The following TANC2 variants were observed in gnomAD, a reference collection of about 807,000 sequenced individuals.
TANC2 encodes the protein tetratricopeptide repeat, ankyrin repeat and coiled-coil containing 2, also known as protein TANC2.
TANC2 carries 26 observed loss-of-function variants against 210.5 expected under a neutral mutation model. The observed-to-expected ratio is 0.12, with a 90% CI of 0.09 to 0.17. The LOEUF is 0.17. Among genes scored for constraint, TANC2 ranks in the 10% least tolerant of loss-of-function variants. TANC2 has a pLI of 1.00. For missense variants in TANC2, 2,129 were observed against 2,608.9 expected, an observed-to-expected ratio of 0.82 and a Z score of 4.01; for synonymous variants, 931 against 967.1, an observed-to-expected ratio of 0.96 and a Z score of 0.69.
chr17:63,021,428 G>T (rs960526874), intron 2 of TANC2, among the ~76,000 whole-genome samples: 7 of 152,114 alleles, frequency 4.6e-5, no homozygotes, highest in Non-Finnish European at 1.5e-5. Flanking sequence ...AGAGCTGGTT[G>T]TTATAAAGCA....
chr17:63,109,134 A>G (rs1295697207), intron 4 of TANC2, among the ~76,000 whole-genome samples: 2 of 151,672 alleles, frequency 1.3e-5, no homozygotes, highest in African/African-American at 2.4e-5. Flanking sequence ...CTTTTATTAG[A>G]AAACAAGAAG....
chr17:63,286,544 C>T (rs1342168583), intron 9 of TANC2, among the ~76,000 whole-genome samples: 1 of 152,098 alleles, frequency 6.6e-6, no homozygotes, highest in Admixed American at 6.5e-5. Flanking sequence ...AAGATTTTCT[C>T]TTTATCACTG....
intron 7 of TANC2, among the ~76,000 whole-genome samples, chr17:63,217,952 A>G (rs2042066128): frequency 6.6e-6 from 1 of 152,170 alleles, no homozygotes; most frequent in Non-Finnish European, 1.5e-5. Context: ...TAACAGACTA[A>G]AAAAGAAAAA....
At chr17:63,247,668 A>C (rs2042954183) in intron 8 of TANC2, among the ~76,000 whole-genome samples, 1 of 152,126 alleles carries the variant, frequency 6.6e-6, no homozygotes, top group African/African-American at 2.4e-5. Context: ...AGCAGTACTT[A>C]TCACTCATCC....
In TANC2 at chr17:63,351,305, A is replaced by G. The variant is rs781424130; in HGVS notation, c.1863A>G (p.Ala621=). Residue 621 remains alanine, a synonymous_variant, in exon 13 of 28, where the codon GCA becomes GCG. Coordinates refer to ENST00000689528, the Ensembl canonical transcript of TANC2. The stretch of plus-strand genomic sequence containing the variant: ...TTTTAATTGATGGATTAAATGAAGC[A>G]GAATTTCACAAACCGGATTATGGGG... 13 of 1,610,258 alleles carry G rather than the reference A, an allele frequency of 8.1e-6. No homozygotes were observed. In the Admixed American group the frequency reaches 2.2e-4, roughly 27 times the overall value.
intron 4 of TANC2, among the ~76,000 whole-genome samples, chr17:63,120,308 A>G (rs1043754369): frequency 6.6e-6 from 1 of 152,148 alleles, no homozygotes. Flanking sequence ...GTCCTTTTAT[A>G]ATAATCCCTA....
intron 9 of TANC2, among the ~76,000 whole-genome samples, chr17:63,300,621 A>C (rs1313007454): frequency 6.6e-6 from 1 of 152,122 alleles, no homozygotes; most frequent in East Asian, 1.9e-4. Context: ...GGTTTTGCAC[A>C]TTGATTTTGT....
intron 8 of TANC2, among the ~76,000 whole-genome samples, chr17:63,238,667 G>T (rs1168421983): frequency 1.3e-5 from 2 of 152,276 alleles, no homozygotes; most frequent in Non-Finnish European, 2.9e-5. Flanking sequence ...AAAAAAAATT[G>T]TATTAGTCCG....
chr17:63,090,504 G>A (rs1419503287), intron 3 of TANC2, among the ~76,000 whole-genome samples: 3 of 151,896 alleles, frequency 2.0e-5, no homozygotes, highest in Non-Finnish European at 2.9e-5. Context: ...GATGGTTTCC[G>A]GCTTCATCCA....
intron 15 of TANC2, chr17:63,381,626 A>G (rs2047612425): frequency 6.6e-6 from 1 of 152,190 alleles, no homozygotes; most frequent in South Asian, 2.1e-4. Flanking sequence ...TTTTATATTC[A>G]TAAAGGTGAT....
At chr17:62,994,408 T>G (rs1446405709) in intron 1 of TANC2, among the ~76,000 whole-genome samples, 1 of 151,680 alleles carries the variant, frequency 6.6e-6, no homozygotes, top group East Asian at 1.9e-4. Flanking sequence ...GTCAGGCTAG[T>G]TAAATGGATG....
chr17:63,387,993 C>T (rs1360939273), intron 15 of TANC2: 1 of 152,258 alleles, frequency 6.6e-6, no homozygotes, highest in Non-Finnish European at 1.5e-5. Flanking sequence ...CCTTACATCA[C>T]AGTACAGTGC....
chr17:63,037,902 TTTTTTG>T (rs776133767), intron 2 of TANC2, among the ~76,000 whole-genome samples: 36 of 152,266 alleles, frequency 2.4e-4, no homozygotes, highest in Admixed American at 4.6e-4. Context: ...CTAATCGATG[TTTTTTG>T]TTTTTGTTTT....
At chr17:63,000,309 A>G (rs551974433) in intron 1 of TANC2, among the ~76,000 whole-genome samples, 1 of 152,384 alleles carries the variant, frequency 6.6e-6, no homozygotes, top group Admixed American at 6.5e-5. Context: ...AGTACTTAAT[A>G]GTTAATTTGA....
At chr17:63,384,114 G>C (rs562141035) in intron 15 of TANC2, among the ~76,000 whole-genome samples, 18 of 151,698 alleles carry the variant, frequency 1.2e-4, no homozygotes, top group Non-Finnish European at 2.1e-4. Flanking sequence ...TCTTCACCCC[G>C]GCTGGAGTAT....
intron 3 of TANC2, among the ~76,000 whole-genome samples, chr17:63,094,151 T>A (rs546071571): frequency 5.1e-4 from 78 of 152,292 alleles, no homozygotes; most frequent in African/African-American, 1.6e-3. Context: ...TTATTTTTTC[T>A]TATAGCTTTT....
At chr17:63,177,800 T>C (rs1395391044) in intron 5 of TANC2, among the ~76,000 whole-genome samples, 2 of 152,200 alleles carry the variant, frequency 1.3e-5, no homozygotes, top group Admixed American at 1.3e-4. Flanking sequence ...CAAGTTAAAC[T>C]GTACAGGCAC....
intron 2 of TANC2, among the ~76,000 whole-genome samples, chr17:63,015,743 TAAAAA>T (rs11313179): frequency 2.0e-5 from 3 of 151,588 alleles, no homozygotes; most frequent in African/African-American, 4.9e-5. Context: ...GAAATTTTCT[TAAAAA>T]AAAACCGCTG....
intron 4 of TANC2, among the ~76,000 whole-genome samples, chr17:63,103,523 A>C (rs1567724840): frequency 6.6e-6 from 1 of 152,188 alleles, no homozygotes; most frequent in Admixed American, 6.5e-5. Context: ...CCCAGCTCTG[A>C]GTGTCACGTC....
Sources: allele counts gnomAD v4.1 joint callset (sites outside exome capture counted in the v4.1 genomes callset), GRCh38; gene constraint gnomAD v4.1.1; transcripts MANE v1.5; gene names NCBI Gene and HGNC (gene_info 2026-07-23, HGNC 2026-07-21).